MAGI2: variants seen among roughly 807,000 people sequenced by gnomAD.
MAGI2 encodes the protein membrane associated guanylate kinase, WW and PDZ domain containing 2.
In MAGI2, 35 loss-of-function variants were observed where a neutral mutation model predicts 133.3. The observed-to-expected ratio is 0.26, with a 90% CI of 0.20 to 0.35. The LOEUF (loss-of-function observed/expected upper bound fraction) is 0.35. MAGI2 is among the 10% of genes least tolerant of loss of function. The pLI is 1.00. For synonymous variants in MAGI2, 729 were observed against 710.6 expected, an observed-to-expected ratio of 1.03 and a Z score of -0.41; for missense variants, 1,636 against 1,863.4, an observed-to-expected ratio of 0.88 and a Z score of 2.25.
chr7:78,141,811 A>C (rs1226049280), intron 16 of MAGI2, among the ~76,000 whole-genome samples: 1 of 152,200 alleles, frequency 6.6e-6, no homozygotes, highest in African/African-American at 2.4e-5. Flanking sequence ...AGAAGGGCTC[A>C]TCACTGGCAA....
At chr7:79,303,375 C>T (rs1267250965) in intron 1 of MAGI2, among the ~76,000 whole-genome samples, 1 of 152,138 alleles carries the variant, frequency 6.6e-6, no homozygotes, top group African/African-American at 2.4e-5. Flanking sequence ...TATTTTTAAA[C>T]ACTTTAGTAC....
At chr7:79,160,120 T>C (rs1226985075) in intron 1 of MAGI2, among the ~76,000 whole-genome samples, 1 of 152,026 alleles carries the variant, frequency 6.6e-6, no homozygotes. Context: ...TGTTAAACCC[T>C]CTGGTTCCCC....
chr7:79,049,381 A>G (rs1253852408), intron 1 of MAGI2, among the ~76,000 whole-genome samples: 2 of 152,196 alleles, frequency 1.3e-5, no homozygotes, highest in Non-Finnish European at 2.9e-5. Context: ...AAGTATGTAG[A>G]TGAAAGCTGG....
At chr7:78,645,073 GCTCT>G (rs1409227311) in intron 2 of MAGI2, among the ~76,000 whole-genome samples, 1 of 151,780 alleles carries the variant, frequency 6.6e-6, no homozygotes, top group Non-Finnish European at 1.5e-5. Context: ...TAATATCCAG[GCTCT>G]CTGTGTACAG....
chr7:78,100,712 G>A (rs1818136011), intron 20 of MAGI2, among the ~76,000 whole-genome samples: 1 of 151,696 alleles, frequency 6.6e-6, no homozygotes, highest in African/African-American at 2.4e-5. Context: ...CTTGCTATAT[G>A]TCGGTTTCAT....
chr7:78,876,313 C>T (rs1347372389), intron 2 of MAGI2, among the ~76,000 whole-genome samples: 1 of 81,280 alleles, frequency 1.2e-5, no homozygotes, highest in African/African-American at 4.3e-5. Flanking sequence ...CAGAGCAAGA[C>T]TCCGTCTCAA....
intron 6 of MAGI2, among the ~76,000 whole-genome samples, chr7:78,393,057 G>A (rs1796042426): frequency 6.6e-6 from 1 of 152,202 alleles, no homozygotes. Context: ...AGAACCAGGA[G>A]GTGAATGGGT....
intron 1 of MAGI2, among the ~76,000 whole-genome samples, chr7:79,282,089 A>G (rs977175806): frequency 1.3e-5 from 2 of 152,210 alleles, no homozygotes; most frequent in Admixed American, 1.3e-4. Flanking sequence ...AATGACTAAT[A>G]ACAGCTCTAG....
intron 6 of MAGI2, among the ~76,000 whole-genome samples, chr7:78,389,153 C>G (rs1373206627): frequency 6.6e-6 from 1 of 152,076 alleles, no homozygotes; most frequent in African/African-American, 2.4e-5. Flanking sequence ...ATAAAATTAA[C>G]ATGTACTCAG....
chr7:78,174,913 G>C (rs1250528184), intron 14 of MAGI2, among the ~76,000 whole-genome samples: 6 of 152,158 alleles, frequency 3.9e-5, no homozygotes, highest in Admixed American at 3.9e-4. Context: ...CCAAAGCTTG[G>C]GTGAGCATCC....
At chr7:78,745,427 C>T (rs755471900) in intron 2 of MAGI2, among the ~76,000 whole-genome samples, 2 of 152,088 alleles carry the variant, frequency 1.3e-5, no homozygotes, top group Non-Finnish European at 2.9e-5. Context: ...CTCTACTATC[C>T]TGATTTGCAT....
intron 1 of MAGI2, among the ~76,000 whole-genome samples, chr7:79,055,631 A>G (rs1403478654): frequency 6.6e-6 from 1 of 152,144 alleles, no homozygotes; most frequent in East Asian, 1.9e-4. Flanking sequence ...TTAATTACAT[A>G]TGTAATATTC....
chr7:78,204,592 C>A (rs1241150747), intron 10 of MAGI2, among the ~76,000 whole-genome samples: 1 of 152,086 alleles, frequency 6.6e-6, no homozygotes, highest in Non-Finnish European at 1.5e-5. Context: ...TATTAGAATT[C>A]TCTGGTGGGA....
chr7:78,883,176 C>A (rs1796005102), intron 2 of MAGI2, among the ~76,000 whole-genome samples: 1 of 152,010 alleles, frequency 6.6e-6, no homozygotes, highest in Non-Finnish European at 1.5e-5. Context: ...AATCAACATA[C>A]AAAAGTCAGT....
At chr7:78,302,230 T>C (rs967116363) in intron 9 of MAGI2, among the ~76,000 whole-genome samples, 2 of 152,240 alleles carry the variant, frequency 1.3e-5, no homozygotes, top group Non-Finnish European at 2.9e-5. Context: ...TTTCACATTC[T>C]TATTCAGTCA....
intron 2 of MAGI2, among the ~76,000 whole-genome samples, chr7:78,985,770 T>A (rs955369452): frequency 2.0e-5 from 3 of 152,110 alleles, no homozygotes; most frequent in African/African-American, 7.2e-5. Flanking sequence ...TTTATCCTTG[T>A]GACCCAAATA....
At chr7:78,960,566 A>G (rs1189947680) in intron 2 of MAGI2, among the ~76,000 whole-genome samples, 1 of 152,190 alleles carries the variant, frequency 6.6e-6, no homozygotes, top group Non-Finnish European at 1.5e-5. Flanking sequence ...AAATGATGGT[A>G]CTATTAATGA....
At chr7:79,442,146 A>G (rs1463743191) in intron 1 of MAGI2, among the ~76,000 whole-genome samples, 2 of 152,182 alleles carry the variant, frequency 1.3e-5, no homozygotes, top group Non-Finnish European at 2.9e-5. Context: ...CAAAATCCAA[A>G]CTTTTAAATC....
At chr7:78,632,867 A>G (rs1188583171) in intron 2 of MAGI2, among the ~76,000 whole-genome samples, 1 of 152,240 alleles carries the variant, frequency 6.6e-6, no homozygotes, top group East Asian at 1.9e-4. Context: ...CAGAACTACC[A>G]TTCAACCCAG....
Sources: gnomAD v4.1 joint callset for allele counts (sites outside exome capture counted in the v4.1 genomes callset) on GRCh38, gnomAD v4.1.1 for gene constraint, MANE v1.5 for transcripts, NCBI Gene and HGNC (gene_info 2026-07-23, HGNC 2026-07-21) for gene names.